ERC1: variants seen among roughly 807,000 people sequenced by gnomAD.
ERC1 encodes ELKS/RAB6-interacting/CAST family member 1, also known as RAB6 interacting protein 2.
Under a neutral mutation model 132.0 loss-of-function variants are expected in ERC1, and 56 were observed. The ratio of observed to expected loss-of-function variants is 0.42; its 90% CI spans 0.34 to 0.53. The LOEUF is 0.53. Ranked by LOEUF, ERC1 falls within the 20% of genes least tolerant of loss-of-function variation. The probability of loss-of-function intolerance (pLI) is 0.03; values close to 1 mark genes in which losing one functional copy is unlikely to be tolerated. For synonymous variants in ERC1, 478 were observed against 476.1 expected, an observed-to-expected ratio of 1.00 and a Z score of -0.05; for missense variants, 1,202 against 1,349.9, an observed-to-expected ratio of 0.89 and a Z score of 1.72.
intron 17 of ERC1, among the ~76,000 whole-genome samples, chr12:1,412,837 G>T (rs141567425): frequency 6.6e-6 from 1 of 152,126 alleles, no homozygotes; most frequent in East Asian, 1.9e-4. Context: ...TGCTGTTGCC[G>T]TTGTCATCAT....
At chr12:1,113,630 G>A (rs1421017545) in intron 6 of ERC1, among the ~76,000 whole-genome samples, 4 of 152,190 alleles carry the variant, frequency 2.6e-5, no homozygotes, top group Admixed American at 6.5e-5. Context: ...ATTAAAAAGG[G>A]AAATATTTTG....
chr12:1,392,052 A>G (rs1002299842), intron 16 of ERC1, among the ~76,000 whole-genome samples: 1 of 152,220 alleles, frequency 6.6e-6, no homozygotes, highest in South Asian at 2.1e-4. Context: ...AAAGACAGTA[A>G]GGCAGACTAT....
At chr12:1,063,299 C>T (rs561192684) in intron 2 of ERC1, among the ~76,000 whole-genome samples, 5 of 151,868 alleles carry the variant, frequency 3.3e-5, no homozygotes, top group South Asian at 2.1e-4. Context: ...ATTGCTCTGT[C>T]GCCCAGGCTG....
At position 1,007,540 on chromosome 12, in the gene ERC1, C is replaced by CTCTGTGTGTGTG. The variant is rs1555194875; in HGVS notation, c.-157+16219_-157+16220insCTGTGTGTGTGT. Among the ~76,000 whole-genome samples the CTCTGTGTGTGTG allele has an allele frequency of 5.3e-3, 656 of 122,748 alleles. 2 individuals are homozygous for CTCTGTGTGTGTG. The highest frequency in any genetic ancestry group is 0.012 in the African/African-American group (315 of 26,502). 80.5% of individuals were successfully genotyped at this position (122,748 alleles called of 152,430 possible). ...ATTCTCTCTCTCTCTCTCTCTCTCTCTGTGTGTGTGTGTGTGTGTGTGTGT... is the reference window on the plus strand; with the variant it reads ...ATTCTCTCTCTCTCTCTCTCTCTCTCTCTGTGTGTGTGTGTGTGTGTGTGTGTGTGTGTGTGT... On this transcript the variant is annotated intron_variant, in intron 1 of 18. Coordinates refer to ENST00000360905, the MANE Select transcript of ERC1 (RefSeq NM_178040.4).
intron 1 of ERC1, among the ~76,000 whole-genome samples, chr12:1,018,067 A>G (rs1965797220): frequency 6.6e-6 from 1 of 152,206 alleles, no homozygotes; most frequent in Non-Finnish European, 1.5e-5. Flanking sequence ...AGAAGTTTGT[A>G]TTCTTATTAA....
At chr12:1,349,300 T>C (rs1468772515) in intron 15 of ERC1, among the ~76,000 whole-genome samples, 1 of 152,194 alleles carries the variant, frequency 6.6e-6, no homozygotes, top group Non-Finnish European at 1.5e-5. Flanking sequence ...AGTAAATCCG[T>C]AAAGTGAGAT....
intron 2 of ERC1, among the ~76,000 whole-genome samples, chr12:1,040,117 C>A (rs1258412976): frequency 1.3e-5 from 2 of 151,976 alleles, no homozygotes; most frequent in Admixed American, 6.6e-5. Flanking sequence ...ATGTACCTAC[C>A]TCTGTTGTGA....
intron 12 of ERC1, among the ~76,000 whole-genome samples, chr12:1,197,105 C>T (rs1253595832): frequency 3.3e-5 from 5 of 149,978 alleles, no homozygotes; most frequent in African/African-American, 9.8e-5. Flanking sequence ...GTCAGCCTTC[C>T]GAGTAGCTGG....
chr12:1,124,641 A>G (rs1389975660), intron 7 of ERC1, among the ~76,000 whole-genome samples: 2 of 152,070 alleles, frequency 1.3e-5, no homozygotes, highest in African/African-American at 2.4e-5. Context: ...ATAAAGAATA[A>G]TAAATATAAG....
chr12:1,167,466 A>C (rs1952537956), intron 8 of ERC1, among the ~76,000 whole-genome samples: 1 of 152,242 alleles, frequency 6.6e-6, no homozygotes, highest in Non-Finnish European at 1.5e-5. Flanking sequence ...ACTCTGATGA[A>C]GCAGCCTTTT....
chr12:1,375,698 G>A lies in ERC1; in HGVS notation c.2925+3721G>A, dbSNP rs576353813. Among the ~76,000 whole-genome samples the A allele has an allele frequency of 8.6e-5, 13 of 151,196 alleles. No individual in the cohort carries two copies. In the South Asian group the frequency reaches 2.3e-3, roughly 27 times the overall value. The stretch of plus-strand genomic sequence containing the variant: ...CCATAGGTGACACACAGTACATTGA[G>A]GGAGGGGTAGTCTCAGTAAGCATGG... On this transcript the variant is annotated intron_variant, in intron 16 of 18. Transcript: ENST00000360905.
At chr12:1,470,084 A>G (rs1447607401) in intron 18 of ERC1, among the ~76,000 whole-genome samples, 2 of 151,830 alleles carry the variant, frequency 1.3e-5, no homozygotes, top group Non-Finnish European at 1.5e-5. Flanking sequence ...CAAGGGAGTC[A>G]GGAGATACCA....
chr12:1,310,292 T>C (rs894862079), intron 15 of ERC1, among the ~76,000 whole-genome samples: 2 of 152,014 alleles, frequency 1.3e-5, no homozygotes, highest in African/African-American at 4.8e-5. Context: ...AATGGGACGA[T>C]CTCGGCTCAC....
At chr12:1,238,959 A>G (rs982101585) in intron 13 of ERC1, among the ~76,000 whole-genome samples, 1 of 152,214 alleles carries the variant, frequency 6.6e-6, no homozygotes, top group Non-Finnish European at 1.5e-5. Context: ...GTTATGAAAA[A>G]GATAGCTGAT....
intron 12 of ERC1, among the ~76,000 whole-genome samples, chr12:1,200,563 C>CT (rs111688488): frequency 0.33 from 48,412 of 147,368 alleles, 8,288 homozygotes; most frequent in African/African-American, 0.43. Context: ...ATTTCCTTTT[C>CT]TTTTTTTTTT....
At chr12:1,279,672 T>A (rs572580787) in intron 14 of ERC1, among the ~76,000 whole-genome samples, 1,838 of 148,520 alleles carry the variant, frequency 0.012, 42 homozygotes, top group African/African-American at 0.042. Flanking sequence ...TTTTTTTTTT[T>A]AATTTTATTT....
At chr12:1,405,247 T>C (rs1188695073) in intron 16 of ERC1, among the ~76,000 whole-genome samples, 1 of 148,214 alleles carries the variant, frequency 6.7e-6, no homozygotes, top group Non-Finnish European at 1.5e-5. Context: ...TCTCTGGGGG[T>C]CCTCCCAGAA....
chr12:1,056,485 T>C lies in ERC1; in HGVS notation c.670-26679T>C, dbSNP rs191458349. 8.5e-5 allele frequency among the ~76,000 whole-genome samples: 13 copies of C among 152,218 alleles called. No individual in the cohort carries two copies. The East Asian group carries it at 2.5e-3, about 29-fold the overall frequency. ...TTCTGCGGTGGAATGCAAGGGGTTT[T>C]ATAGATAAGCTTGAGGAGGTGGTGT... On this transcript the variant is annotated intron_variant, in intron 2 of 18. Coordinates refer to ENST00000360905, the MANE Select transcript of ERC1 (RefSeq NM_178040.4).
chr12:1,080,806 G>A (rs1046111065), intron 2 of ERC1, among the ~76,000 whole-genome samples: 1 of 152,048 alleles, frequency 6.6e-6, no homozygotes, highest in Non-Finnish European at 1.5e-5. Context: ...GCCTCATACC[G>A]TGATTCTGAG....
Sources: allele counts gnomAD v4.1 joint callset (sites outside exome capture counted in the v4.1 genomes callset), GRCh38; gene constraint gnomAD v4.1.1; transcripts MANE v1.5; gene names NCBI Gene and HGNC (gene_info 2026-07-23, HGNC 2026-07-21).